Variants in BRINP1 observed in about 807,000 individuals in gnomAD.
BRINP1 encodes the protein BMP/retinoic acid inducible neural specific 1.
Under a neutral mutation model 72.9 loss-of-function variants are expected in BRINP1, and 17 were observed. The ratio of observed to expected loss-of-function variants is 0.23; its 90% confidence interval spans 0.16 to 0.35. The LOEUF (loss-of-function observed/expected upper bound fraction) is 0.35, where lower values mean the gene tolerates loss of function less well. BRINP1 is among the 10% of genes least tolerant of loss of function. The pLI is 1.00. For missense variants in BRINP1, 850 were observed against 1,001.6 expected, an observed-to-expected ratio of 0.85 and a Z score of 2.04; for synonymous variants, 418 against 378.5, an observed-to-expected ratio of 1.10 and a Z score of -1.21.
chr9:119,270,354 G>T (rs911242972), intron 2 of BRINP1, among the ~76,000 whole-genome samples: 2 of 152,196 alleles, frequency 1.3e-5, no homozygotes, highest in Non-Finnish European at 2.9e-5. Context: ...ATCACCCCGT[G>T]TTGAGAGTTG....
intron 7 of BRINP1, among the ~76,000 whole-genome samples, chr9:119,195,664 T>C (rs930493503): frequency 6.6e-5 from 10 of 152,242 alleles, no homozygotes; most frequent in Non-Finnish European, 1.0e-4. Flanking sequence ...CTGCTGTTAC[T>C]TCTGCAGCTG....
intron 7 of BRINP1, among the ~76,000 whole-genome samples, chr9:119,206,289 AC>A (rs1829852899): frequency 6.6e-6 from 1 of 151,744 alleles, no homozygotes; most frequent in African/African-American, 2.4e-5. Flanking sequence ...GGTGGTGCAC[AC>A]CTGTAATCCC....
In BRINP1 at chr9:119,221,936, G is replaced by A. The variant is rs533379600; in HGVS notation, c.686-7781C>T. Among the ~76,000 whole-genome samples, 10 of 152,230 alleles carry A rather than the reference G, an allele frequency of 6.6e-5. No homozygotes were observed. The South Asian group carries it at 2.1e-3, about 32-fold the overall frequency. On this transcript the variant is annotated intron_variant, in intron 5 of 7. Coordinates refer to ENST00000265922, the MANE Select transcript of BRINP1 (RefSeq NM_014618.3). ...CCATCAAAGATTCAGATGGCAGGTG[G>A]TAGGGTGGGTTATCATTGACCCACA...
intron 1 of BRINP1, among the ~76,000 whole-genome samples, chr9:119,349,084 CT>C (rs1403404734): frequency 6.6e-6 from 1 of 152,088 alleles, no homozygotes; most frequent in African/African-American, 2.4e-5. Flanking sequence ...TCCAAGGCCC[CT>C]CTCACACAAA....
chr9:119,292,693 G>A (rs1224419747), intron 2 of BRINP1, among the ~76,000 whole-genome samples: 1 of 152,166 alleles, frequency 6.6e-6, no homozygotes, highest in Non-Finnish European at 1.5e-5. Context: ...AATAAGTGAA[G>A]TCCCAGGCAA....
At chr9:119,263,969 C>A (rs1830522786) in intron 2 of BRINP1, among the ~76,000 whole-genome samples, 1 of 152,094 alleles carries the variant, frequency 6.6e-6, no homozygotes, top group Non-Finnish European at 1.5e-5. Context: ...TCTCTCCTTT[C>A]CAGCACTAAG....
At chr9:119,206,733 C>T (rs1829859377) in intron 7 of BRINP1, among the ~76,000 whole-genome samples, 2 of 152,192 alleles carry the variant, frequency 1.3e-5, no homozygotes, top group Admixed American at 6.5e-5. Context: ...AAGACATCTT[C>T]CACAGCACTG....
intron 2 of BRINP1, among the ~76,000 whole-genome samples, chr9:119,278,658 G>A (rs1027222526): frequency 1.1e-4 from 17 of 152,218 alleles, no homozygotes; most frequent in African/African-American, 4.1e-4. Flanking sequence ...GGGAGGCCAA[G>A]GCAGCTGGAT....
chr9:119,199,375 T>C (rs918556154), intron 7 of BRINP1, among the ~76,000 whole-genome samples: 2 of 152,170 alleles, frequency 1.3e-5, no homozygotes, highest in Non-Finnish European at 2.9e-5. Flanking sequence ...AGTCTTTCTA[T>C]AGACACCAAT....
chr9:119,177,390 T>G (rs1052121314), intron 7 of BRINP1, among the ~76,000 whole-genome samples: 1 of 152,114 alleles, frequency 6.6e-6, no homozygotes, highest in African/African-American at 2.4e-5. Flanking sequence ...GACTGAATAT[T>G]GGGTATGAGT....
At chr9:119,203,668 G>A (rs111697186) in intron 7 of BRINP1, among the ~76,000 whole-genome samples, 10 of 152,202 alleles carry the variant, frequency 6.6e-5, no homozygotes, top group African/African-American at 1.9e-4. Flanking sequence ...CAATGTAACC[G>A]GGTGACGAAG....
chr9:119,365,146 A>C (rs1375586561), intron 1 of BRINP1, among the ~76,000 whole-genome samples: 1 of 152,232 alleles, frequency 6.6e-6, no homozygotes, highest in Admixed American at 6.5e-5. Context: ...TTCAGATAAA[A>C]TGGTACAGAA....
intron 2 of BRINP1, among the ~76,000 whole-genome samples, chr9:119,300,432 G>C (rs1445411397): frequency 6.6e-6 from 1 of 152,014 alleles, no homozygotes; most frequent in South Asian, 2.1e-4. Flanking sequence ...CATTTACCCT[G>C]ATGTGATTAC....
At chr9:119,194,411 C>A (rs187339159) in intron 7 of BRINP1, among the ~76,000 whole-genome samples, 1 of 152,186 alleles carries the variant, frequency 6.6e-6, no homozygotes, top group East Asian at 1.9e-4. Flanking sequence ...GTTCCAGGCT[C>A]TAATTCCCAG....
chr9:119,201,752 G>C (rs1428842393), intron 7 of BRINP1, among the ~76,000 whole-genome samples: 1 of 152,154 alleles, frequency 6.6e-6, no homozygotes, highest in Non-Finnish European at 1.5e-5. Flanking sequence ...ACAGTTGCTT[G>C]TATCTTTAAA....
chr9:119,241,933 G>T, intron 4 of BRINP1, 114 bp downstream of exon 4: 1 of 1,126,066 alleles, frequency 8.9e-7, no homozygotes. Flanking sequence ...AGGGCATCAC[G>T]AGCTACATGG....
chr9:119,233,238 G>A (rs1474689467), intron 5 of BRINP1, among the ~76,000 whole-genome samples: 1 of 151,976 alleles, frequency 6.6e-6, no homozygotes, highest in Non-Finnish European at 1.5e-5. Flanking sequence ...AAGTTAGGCT[G>A]AGTTAAAACT....
intron 1 of BRINP1, among the ~76,000 whole-genome samples, chr9:119,319,766 C>T (rs7036607): frequency 0.014 from 2,121 of 152,298 alleles, 44 homozygotes; most frequent in African/African-American, 0.049. Flanking sequence ...CATTGAATAA[C>T]TTTCTTAAGC....
At chr9:119,318,580 G>A (rs756557013) in intron 1 of BRINP1, among the ~76,000 whole-genome samples, 6 of 152,104 alleles carry the variant, frequency 3.9e-5, no homozygotes, top group East Asian at 1.9e-4. Context: ...TAACAACTAC[G>A]GCTGCCAAAC....
Sources: gnomAD v4.1 joint callset for allele counts (sites outside exome capture counted in the v4.1 genomes callset) on GRCh38, gnomAD v4.1.1 for gene constraint, MANE v1.5 for transcripts, NCBI Gene and HGNC (gene_info 2026-07-23, HGNC 2026-07-21) for gene names.